The following PC variants were observed in gnomAD, a reference collection of about 807,000 sequenced individuals.
PC encodes pyruvate carboxylase, also known as pyruvate carboxylase, mitochondrial.
PC carries 46 observed loss-of-function variants against 107.8 expected under a neutral mutation model. The ratio of observed to expected loss-of-function variants is 0.43; its 90% confidence interval spans 0.34 to 0.55. PC has a LOEUF of 0.55. Among genes scored for constraint, PC ranks in the 20% least tolerant of loss-of-function variants. The pLI is 0.04. For missense variants in PC, 1,241 were observed against 1,643.1 expected (o/e 0.76, Z 4.23); for synonymous variants, 662 against 684.7 (o/e 0.97, Z 0.52).
chr11:66,920,995 C>T (rs1269217273), intron 3 of PC, among the ~76,000 whole-genome samples: 1 of 150,660 alleles, frequency 6.6e-6, no homozygotes, highest in Admixed American at 6.6e-5. Flanking sequence ...CCGAGATCTC[C>T]AGGCTGGGTG....
At chr11:66,867,584 G>A (rs996960165) in intron 10 of PC, among the ~76,000 whole-genome samples, 4 of 152,184 alleles carry the variant, frequency 2.6e-5, no homozygotes, top group African/African-American at 9.7e-5. Flanking sequence ...TGTGCTGAGA[G>A]CCCTGTCATT....
chr11:66,849,899 C>T, intron 20 of PC, 38 bp downstream of exon 20: 1 of 1,613,580 alleles, frequency 6.2e-7, no homozygotes, highest in Non-Finnish European at 8.5e-7. Context: ...AGTCCTGCAT[C>T]CAGCCCCCAC....
chr11:66,955,110 C>G (rs1008885937), intron 1 of PC, among the ~76,000 whole-genome samples: 4 of 152,212 alleles, frequency 2.6e-5, no homozygotes, highest in Non-Finnish European at 5.9e-5. Flanking sequence ...CATCTTGCAC[C>G]CTTCTCTCCT....
chr11:66,958,120 G>A (rs1044715202), intron 1 of PC: 1 of 151,672 alleles, frequency 6.6e-6, no homozygotes, highest in Non-Finnish European at 1.5e-5. Flanking sequence ...CCCCGCGCGA[G>A]GGGGAGGGGC....
intron 12 of PC, chr11:66,859,569 G>C (rs575841446): frequency 1.3e-6 from 2 of 1,595,348 alleles, no homozygotes; most frequent in Non-Finnish European, 8.5e-7. Flanking sequence ...CTGGGAGCAC[G>C]GGAGTGGGGA....
At position 66,854,497 on chromosome 11, in the gene PC, C is replaced by A. The variant is rs1945688065; in HGVS notation, c.1369-1114G>T. Among the ~76,000 whole-genome samples the A allele has an allele frequency of 2.6e-5, 4 of 152,304 alleles. No individual in the cohort carries two copies. The South Asian group carries it at 8.3e-4, about 32-fold the overall frequency. On this transcript the variant is annotated intron_variant, in intron 12 of 22. Transcript: ENST00000393960. Reference sequence around the variant, plus strand: ...GTGCACAGGGGCCCTCGGTTCCACTCATTAAATGCCTGGGTGACAACATGA... The same window carrying A: ...GTGCACAGGGGCCCTCGGTTCCACTAATTAAATGCCTGGGTGACAACATGA...
At chr11:66,851,655 C>T (rs1440056349) in intron 16 of PC, 135 bp downstream of exon 16, 2 of 939,094 alleles carry the variant, frequency 2.1e-6, no homozygotes, top group African/African-American at 1.6e-5. Flanking sequence ...TATTTCCAAA[C>T]AGCAGCCCCT....
At chr11:66,863,683 G>T in intron 12 of PC, 91 bp downstream of exon 12, 1 of 1,355,702 alleles carries the variant, frequency 7.4e-7, no homozygotes, top group Non-Finnish European at 1.0e-6. Context: ...CTGAGGTGAA[G>T]CCATGTGCAA....
intron 3 of PC, among the ~76,000 whole-genome samples, chr11:66,940,024 A>G (rs1014170434): frequency 3.9e-5 from 6 of 152,108 alleles, no homozygotes; most frequent in African/African-American, 1.2e-4. Context: ...AAAGGCAGGC[A>G]CAGGCAACAA....
chr11:66,912,853 C>A (rs1183242966), intron 3 of PC, among the ~76,000 whole-genome samples: 1 of 152,166 alleles, frequency 6.6e-6, no homozygotes, highest in East Asian at 1.9e-4. Flanking sequence ...GGTCTCCCAA[C>A]AATTCCCACC....
Position 66,939,022 on chromosome 11 carries a change from T to A in PC, c.-1+13408A>T, listed in dbSNP as rs527425186. On this transcript the variant is annotated intron_variant, in intron 3 of 22. Coordinates refer to ENST00000393960, the MANE Select transcript of PC (RefSeq NM_001040716.2). ...CCCCAGTCATTTAATACTGGCCCTA[T>A]GGTGAAGCACATTTTCCCTCCTCTT... Among the ~76,000 whole-genome samples the A allele has an allele frequency of 2.0e-5, 3 of 152,228 alleles. No individual in the cohort carries two copies. In the South Asian group the frequency reaches 6.2e-4, roughly 31 times the overall value.
intron 3 of PC, among the ~76,000 whole-genome samples, chr11:66,912,648 T>C (rs1948363754): frequency 6.6e-6 from 1 of 152,198 alleles, no homozygotes; most frequent in Non-Finnish European, 1.5e-5. Flanking sequence ...TTTCCATTCC[T>C]TTGACCTCAA....
In PC at chr11:66,858,732, G is replaced by C. The variant is rs1005700699; in HGVS notation, c.1368+5042C>G. ...GGTTGGCAACTCCTCCCGAGCCCGG[G>C]CTTTCCCCAACGGGACCTTAGAGAT... is the stretch of plus-strand genomic sequence containing the variant. On this transcript the variant is annotated intron_variant, in intron 12 of 22. Transcript: ENST00000393960. The surrounding 1 kb of genome is among the most constrained non-coding windows in gnomAD (Gnocchi z 5.9). The C allele has an allele frequency of 1.3e-6, 2 of 1,554,272 alleles. No homozygotes were observed. The highest frequency in any genetic ancestry group is 1.7e-6 in the Non-Finnish European group (2 of 1,148,638).
In PC at chr11:66,858,533, G is replaced by A. The variant is rs771591285; in HGVS notation, c.1369-5150C>T. ...AAACGTGCGCCTCCCCGCCCGGCCTGGCCGGCCGCTACTTCTGGGCAGTGC... is the reference window on the plus strand; with the variant it reads ...AAACGTGCGCCTCCCCGCCCGGCCTAGCCGGCCGCTACTTCTGGGCAGTGC... On this transcript the variant is annotated intron_variant, in intron 12 of 22. Coordinates refer to ENST00000393960, the MANE Select transcript of PC (RefSeq NM_001040716.2). The surrounding 1 kb of genome is among the most constrained non-coding windows in gnomAD (Gnocchi z 5.9). The A allele has an allele frequency of 1.3e-6, 2 of 1,533,844 alleles. No individual in the cohort carries two copies. Among genetic ancestry groups the A allele is most frequent in the South Asian group, 1.2e-5 (1 of 83,928 alleles).
intron 3 of PC, among the ~76,000 whole-genome samples, chr11:66,913,646 G>C (rs539612365): frequency 9.0e-5 from 12 of 132,792 alleles, no homozygotes; most frequent in African/African-American, 3.5e-4. Context: ...TAGGCAACAA[G>C]AGAGAAACTC....
Position 66,864,530 on chromosome 11 carries a change from T to TCC in PC, c.1186-576_1186-575dup, listed in dbSNP as rs758713056. On this transcript the variant is annotated intron_variant, in intron 11 of 22. Coordinates refer to ENST00000393960, the MANE Select transcript of PC (RefSeq NM_001040716.2). ...GGAAGGCCTCAACATCCACCCATGCTCCCTTCCTTTCCTTTCCTTTCCTTC... is the reference window on the plus strand; with the variant it reads ...GGAAGGCCTCAACATCCACCCATGCTCCCCCTTCCTTTCCTTTCCTTTCCTTC... Among the ~76,000 whole-genome samples, 100 of 152,316 alleles carry TCC rather than the reference T, an allele frequency of 6.6e-4. No individual in the cohort carries two copies. The Middle Eastern group carries it at 0.01, about 16-fold the overall frequency.
rs1946724998 is a variant in PC at position 66,871,378 on chromosome 11, T to C, written c.424A>G (p.Ser142Gly). Reference sequence around the variant, plus strand: ...CCCATCTTGCGGACCACTTCTGGGCTTGGCCCAATAAACCGGACCCCTGCA... The same window carrying C: ...CCCATCTTGCGGACCACTTCTGGGCCTGGCCCAATAAACCGGACCCCTGCA... ...QDAGVRFIGPSPEVVRKMGDK... is the reference protein window; with the variant it reads ...QDAGVRFIGPGPEVVRKMGDK... Residue 142 changes from serine to glycine, a missense_variant, in exon 6 of 23, where the codon AGC becomes GGC. By Grantham distance (56) the Ser-to-Gly change is moderately conservative. Transcript: ENST00000393960. The surrounding 1 kb of genome is among the most constrained non-coding windows in gnomAD (Gnocchi z 7.4). The C allele has an allele frequency of 6.2e-7, 1 of 1,613,834 alleles. No homozygotes were observed. The highest frequency in any genetic ancestry group is 8.5e-7 in the Non-Finnish European group (1 of 1,180,022).
chr11:66,852,298 G>C lies in PC; in HGVS notation c.1825+141C>G. ...CCGGCACCAGGCCTGGCCGGAGAGG[G>C]CGCTGTGCCTTCTTCGGTCCTTCCT... is the stretch of plus-strand genomic sequence containing the variant. On this transcript the variant is annotated intron_variant, in intron 15 of 22. Coordinates refer to ENST00000393960, the MANE Select transcript of PC (RefSeq NM_001040716.2). The surrounding 1 kb of genome is among the most constrained non-coding windows in gnomAD (Gnocchi z 4.7). The C allele has an allele frequency of 1.3e-6, 1 of 785,670 alleles. No individual in the cohort carries two copies. 48.7% of individuals were successfully genotyped at this position (785,670 alleles called of 1,614,324 possible).
intron 3 of PC, among the ~76,000 whole-genome samples, chr11:66,889,791 T>C (rs946434341): frequency 2.0e-5 from 3 of 152,168 alleles, no homozygotes; most frequent in Non-Finnish European, 4.4e-5. Flanking sequence ...CGGGTCCTTT[T>C]CTCCTTTTCT....
Sources: gnomAD v4.1 joint callset for allele counts (sites outside exome capture counted in the v4.1 genomes callset) on GRCh38, gnomAD v4.1.1 for gene constraint, Gnocchi (gnomAD v3.1) non-coding constraint, MANE v1.5 for transcripts, NCBI Gene and HGNC (gene_info 2026-07-23, HGNC 2026-07-21) for gene names.